PTPRD: variants seen among roughly 807,000 people sequenced by gnomAD.
PTPRD encodes protein tyrosine phosphatase receptor type D.
A neutral mutation model predicts 214.5 loss-of-function variants in PTPRD; 34 were observed. The ratio of observed to expected loss-of-function variants is 0.16; its 90% CI spans 0.12 to 0.21. The LOEUF is 0.21. Ranked by LOEUF, PTPRD falls within the 10% of genes least tolerant of loss-of-function variation. The probability of loss-of-function intolerance (pLI) is 1.00; values close to 1 mark genes in which losing one functional copy is unlikely to be tolerated. For missense variants in PTPRD, 2,545 were observed against 2,398.7 expected (o/e 1.06, Z -1.27); for synonymous variants, 1,128 against 845.7 (o/e 1.33, Z -5.79).
At chr9:10,544,948 A>G (rs1449558577) in intron 2 of PTPRD, among the ~76,000 whole-genome samples, 1 of 152,214 alleles carries the variant, frequency 6.6e-6, no homozygotes, top group Non-Finnish European at 1.5e-5. Context: ...GCACATAAAT[A>G]AAATGTAATT....
intron 5 of PTPRD, among the ~76,000 whole-genome samples, chr9:9,771,491 G>C (rs962843616): frequency 6.6e-6 from 1 of 152,172 alleles, no homozygotes; most frequent in Non-Finnish European, 1.5e-5. Context: ...GCTTATCGTG[G>C]AAGCCTTTCT....
intron 22 of PTPRD, among the ~76,000 whole-genome samples, chr9:8,504,777 G>A (rs1047298848): frequency 6.6e-6 from 1 of 152,156 alleles, no homozygotes; most frequent in East Asian, 1.9e-4. Context: ...CCTGCCCCTG[G>A]TAGTGGAATC....
At chr9:10,504,261 C>G (rs942843385) in intron 2 of PTPRD, among the ~76,000 whole-genome samples, 1 of 150,828 alleles carries the variant, frequency 6.6e-6, no homozygotes, top group African/African-American at 2.4e-5. Flanking sequence ...TGTACACAAA[C>G]AGTCTTAAAA....
rs140050158 is a variant in PTPRD at position 9,427,620 on chromosome 9, C to T, written c.-236-30138G>A. On this transcript the variant is annotated intron_variant, in intron 8 of 45. Coordinates refer to ENST00000381196, the MANE Select transcript of PTPRD (RefSeq NM_002839.4). The stretch of plus-strand genomic sequence containing the variant: ...CAAGACACATAATTGTCAGATTTAC[C>T]AAAGTTGAAAAGAAGGAGAAAATGT... 4.5e-3 allele frequency among the ~76,000 whole-genome samples: 679 copies of T among 152,120 alleles called. 5 individuals are homozygous for T. Among genetic ancestry groups the T allele is most frequent in the Non-Finnish European group, 8.5e-3 (581 of 67,998 alleles).
At chr9:9,700,154 G>T (rs1469679491) in intron 7 of PTPRD, among the ~76,000 whole-genome samples, 1 of 152,052 alleles carries the variant, frequency 6.6e-6, no homozygotes, top group African/African-American at 2.4e-5. Flanking sequence ...TATTGCTTGA[G>T]AAATATATAT....
intron 11 of PTPRD, among the ~76,000 whole-genome samples, chr9:8,796,453 G>A (rs1346108705): frequency 1.3e-5 from 2 of 152,138 alleles, no homozygotes; most frequent in African/African-American, 4.8e-5. Context: ...GCAGCTCAGA[G>A]TAAGTGAGTA....
chr9:8,629,336 G>C (rs975231273), intron 14 of PTPRD, among the ~76,000 whole-genome samples: 1 of 151,856 alleles, frequency 6.6e-6, no homozygotes, highest in Non-Finnish European at 1.5e-5. Context: ...CCTGCCTAGT[G>C]ATTGATAACA....
intron 5 of PTPRD, among the ~76,000 whole-genome samples, chr9:9,893,057 G>A (rs1316383222): frequency 6.6e-6 from 1 of 152,030 alleles, no homozygotes; most frequent in African/African-American, 2.4e-5. Flanking sequence ...GTAGGCAGTG[G>A]GAAGTAAGAG....
intron 5 of PTPRD, among the ~76,000 whole-genome samples, chr9:9,921,742 T>C (rs1432046059): frequency 6.8e-6 from 1 of 147,286 alleles, no homozygotes; most frequent in Non-Finnish European, 1.5e-5. Flanking sequence ...AAAAAGCCAA[T>C]TTATAGAAGT....
chr9:8,772,875 T>G (rs1345072729), intron 11 of PTPRD, among the ~76,000 whole-genome samples: 1 of 152,204 alleles, frequency 6.6e-6, no homozygotes, highest in Non-Finnish European at 1.5e-5. Flanking sequence ...TCTTGCTTTT[T>G]GTTCTGAGAT....
Position 8,486,126 on chromosome 9 carries a change from G to A in PTPRD, c.2691C>T (p.Ala897=), listed in dbSNP as rs1333840236. Residue 897 remains alanine, a synonymous_variant, in exon 28 of 46, where the codon GCC becomes GCT. Transcript: ENST00000381196. ...KGASYVFRLS[A]RNKVGFGEEM... Reference sequence around the variant, plus strand: ...CCTCCCCAAAGCCCACTTTGTTTCTGGCTGAGAGCCTGAAGACGTATGATG... The same window carrying A: ...CCTCCCCAAAGCCCACTTTGTTTCTAGCTGAGAGCCTGAAGACGTATGATG... 2 of 1,614,156 alleles carry A rather than the reference G, an allele frequency of 1.2e-6. No individual in the cohort carries two copies. The highest frequency in any genetic ancestry group is 1.7e-4 in the Middle Eastern group (1 of 6,060).
At chr9:8,692,261 T>A (rs893506051) in intron 12 of PTPRD, among the ~76,000 whole-genome samples, 1 of 152,222 alleles carries the variant, frequency 6.6e-6, no homozygotes, top group East Asian at 1.9e-4. Flanking sequence ...CACAATAACA[T>A]TAATTGTTTC....
intron 2 of PTPRD, among the ~76,000 whole-genome samples, chr9:10,347,409 C>CTTTTTTTTT (rs201173966): frequency 7.8e-6 from 1 of 127,934 alleles, no homozygotes; most frequent in African/African-American, 3.0e-5. Context: ...AGCTATTTGT[C>CTTTTTTTTT]TTTTTTTTTT....
rs566189142 is a variant in PTPRD, at chr9:9,218,008, C to T, written c.-202-34645G>A. ...GACAGTTATGCCGTTCATGTTCACT[C>T]TGTTTGTTTCTGAGCCCTCTGGGGT... On this transcript the variant is annotated intron_variant, in intron 9 of 45. Coordinates refer to ENST00000381196, the MANE Select transcript of PTPRD (RefSeq NM_002839.4). Among the ~76,000 whole-genome samples the T allele has an allele frequency of 3.9e-5, 6 of 152,252 alleles. No individual in the cohort carries two copies. In the South Asian group the frequency reaches 1.0e-3, roughly 26 times the overall value.
At chr9:10,039,870 C>A (rs1264703006) in intron 3 of PTPRD, among the ~76,000 whole-genome samples, 1 of 151,902 alleles carries the variant, frequency 6.6e-6, no homozygotes, top group Non-Finnish European at 1.5e-5. Context: ...GTCTGTTTGG[C>A]AAACAAAGAA....
intron 3 of PTPRD, among the ~76,000 whole-genome samples, chr9:10,096,175 A>C (rs1007104769): frequency 5.3e-5 from 8 of 151,688 alleles, no homozygotes; most frequent in Non-Finnish European, 8.9e-5. Flanking sequence ...CTTCTACGGT[A>C]CACTACTAGA....
chr9:10,460,214 G>A (rs2098948464), intron 2 of PTPRD, among the ~76,000 whole-genome samples: 1 of 151,664 alleles, frequency 6.6e-6, no homozygotes, highest in African/African-American at 2.4e-5. Flanking sequence ...AGAAAATACA[G>A]ATAAAAAAAA....
intron 8 of PTPRD, among the ~76,000 whole-genome samples, chr9:9,502,024 A>G (rs1284707095): frequency 6.6e-6 from 1 of 151,796 alleles, no homozygotes; most frequent in Non-Finnish European, 1.5e-5. Flanking sequence ...TGAGTTGGAG[A>G]TACATACACA....
intron 4 of PTPRD, among the ~76,000 whole-genome samples, chr9:9,940,990 C>A (rs957921129): frequency 6.6e-6 from 1 of 152,068 alleles, no homozygotes; most frequent in Non-Finnish European, 1.5e-5. Flanking sequence ...CTTTTGGCTT[C>A]CCTGGGCCAC....
Sources: allele counts gnomAD v4.1 joint callset (sites outside exome capture counted in the v4.1 genomes callset), GRCh38; gene constraint gnomAD v4.1.1; transcripts MANE v1.5; gene names NCBI Gene and HGNC (gene_info 2026-07-23, HGNC 2026-07-21).